SLC44A5: variants seen among roughly 807,000 people sequenced by gnomAD.
SLC44A5 encodes solute carrier family 44 member 5.
A neutral mutation model predicts 101.8 loss-of-function variants in SLC44A5; 57 were observed. That is an observed-to-expected ratio of 0.56 (90% CI 0.45 to 0.70). SLC44A5 has a LOEUF of 0.70. Among genes scored for constraint, SLC44A5 ranks in the 30% least tolerant of loss-of-function variants. The pLI is 0.00. For synonymous variants in SLC44A5, 281 were observed against 290.9 expected, an observed-to-expected ratio of 0.97 and a Z score of 0.35; for missense variants, 737 against 853.1, an observed-to-expected ratio of 0.86 and a Z score of 1.70.
intron 2 of SLC44A5, among the ~76,000 whole-genome samples, chr1:75,402,801 GT>G (rs1040388323): frequency 6.6e-6 from 1 of 152,066 alleles, no homozygotes; most frequent in Non-Finnish European, 1.5e-5. Flanking sequence ...AGCTGCAGGA[GT>G]TTTTTTCATA....
chr1:75,294,868 G>A (rs148433509), intron 5 of SLC44A5, among the ~76,000 whole-genome samples: 1,708 of 152,234 alleles, frequency 0.011, 16 homozygotes, highest in Non-Finnish European at 0.019. Flanking sequence ...TAGGTGCCAG[G>A]ATCTGGGGGT....
the SLC44A5 span, among the ~76,000 whole-genome samples, chr1:75,684,680 G>T: frequency 6.6e-6 from 1 of 152,166 alleles, no homozygotes; most frequent in African/African-American, 2.4e-5. Context: ...CATAAGAGGT[G>T]GGTTCCCATG....
Position 75,203,786 on chromosome 1 carries a change from C to T in SLC44A5, c.2095G>A (p.Val699Met). The T allele has an allele frequency of 6.5e-7, 1 of 1,550,232 alleles. No individual in the cohort carries two copies. Among genetic ancestry groups the T allele is most frequent in the African/African-American group, 1.4e-5 (1 of 73,080 alleles). Reference sequence around the variant, plus strand: ...AAAATCTTCAGCAAAGGTTGACTCACATAATAAGGTCTTGCAGTAGAACCA... The same window carrying T: ...AAAATCTTCAGCAAAGGTTGACTCATATAATAAGGTCTTGCAGTAGAACCA... ...NDGSTARPYY[V>M]SQPLLKIFQE... is the part of the protein sequence containing the mutation. Residue 699 changes from valine to methionine, a missense_variant, in exon 24 of 24, where the codon GTG (valine) becomes ATG (methionine). Val to Met is a conservative substitution (Grantham distance 21). This residue lies in a region of SLC44A5 where 61 missense variants were observed against 56.5 expected (regional missense o/e 1.08). Transcript: ENST00000370859.
intron 2 of SLC44A5, among the ~76,000 whole-genome samples, chr1:75,423,152 G>C (rs780101707): frequency 6.6e-6 from 1 of 152,138 alleles, no homozygotes; most frequent in Non-Finnish European, 1.5e-5. Context: ...AAAAAGAACA[G>C]AAAGCTATAG....
chr1:75,444,718 T>A (rs1221449920), intron 2 of SLC44A5, among the ~76,000 whole-genome samples: 1 of 150,700 alleles, frequency 6.6e-6, no homozygotes, highest in Non-Finnish European at 1.5e-5. Flanking sequence ...AAAGAGGAAA[T>A]CAGATCCCAT....
intron 3 of SLC44A5, among the ~76,000 whole-genome samples, chr1:75,368,795 T>C (rs1660034374): frequency 6.6e-6 from 1 of 152,190 alleles, no homozygotes; most frequent in Non-Finnish European, 1.5e-5. Flanking sequence ...TATGAGAATG[T>C]TCTGCATGTT....
intron 2 of SLC44A5, among the ~76,000 whole-genome samples, chr1:75,416,557 G>C (rs574020929): frequency 5.0e-4 from 76 of 152,242 alleles, no homozygotes; most frequent in Middle Eastern, 6.8e-3. Context: ...GTGAGAAGTG[G>C]GCCACCATCC....
intron 2 of SLC44A5, among the ~76,000 whole-genome samples, chr1:75,480,578 C>CA (rs773216852): frequency 9.2e-4 from 140 of 152,108 alleles, no homozygotes; most frequent in Admixed American, 3.7e-3. Flanking sequence ...AATCAATGTG[C>CA]AAAAATCACA....
chr1:75,605,654 T>C (rs1289034630), intron 1 of SLC44A5, among the ~76,000 whole-genome samples: 1 of 152,044 alleles, frequency 6.6e-6, no homozygotes, highest in Non-Finnish European at 1.5e-5. Flanking sequence ...TGGGCCCTAA[T>C]GGGAAACTAC....
At chr1:75,575,199 T>C (rs1673292686) in intron 1 of SLC44A5, among the ~76,000 whole-genome samples, 1 of 152,226 alleles carries the variant, frequency 6.6e-6, no homozygotes, top group South Asian at 2.1e-4. Context: ...TGCAGCCTAA[T>C]ATTAAATTCC....
At chr1:75,340,963 A>G (rs911176092) in intron 3 of SLC44A5, among the ~76,000 whole-genome samples, 5 of 152,228 alleles carry the variant, frequency 3.3e-5, no homozygotes, top group African/African-American at 1.2e-4. Context: ...GTTGAGTTTC[A>G]TGAGATACCT....
chr1:75,431,670 C>A (rs2101597334), intron 2 of SLC44A5, among the ~76,000 whole-genome samples: 1 of 152,126 alleles, frequency 6.6e-6, no homozygotes, highest in East Asian at 1.9e-4. Flanking sequence ...CTTTTTATCA[C>A]TTTAATAGTT....
intron 1 of SLC44A5, among the ~76,000 whole-genome samples, chr1:75,572,719 A>G (rs928265318): frequency 6.6e-6 from 1 of 152,214 alleles, no homozygotes; most frequent in Non-Finnish European, 1.5e-5. Context: ...ATATTTTTGA[A>G]GTACCAAAGT....
chr1:75,425,479 A>G (rs951063626), intron 2 of SLC44A5, among the ~76,000 whole-genome samples: 1 of 152,232 alleles, frequency 6.6e-6, no homozygotes, highest in Non-Finnish European at 1.5e-5. Flanking sequence ...TTAGAGGAAC[A>G]CTGTCAGCAA....
chr1:75,695,973 T>A, the SLC44A5 span, among the ~76,000 whole-genome samples: 1 of 151,860 alleles, frequency 6.6e-6, no homozygotes, highest in East Asian at 1.9e-4. Context: ...CTTTTTTTTT[T>A]AATGGCAGCA....
chr1:75,519,023 C>T lies in SLC44A5; in HGVS notation c.13+22412G>A, dbSNP rs1445704448. Among the ~76,000 whole-genome samples, 3 of 152,152 alleles carry T rather than the reference C, an allele frequency of 2.0e-5. No individual in the cohort carries two copies. In the South Asian group the frequency reaches 6.2e-4, roughly 32 times the overall value. On this transcript the variant is annotated intron_variant, in intron 2 of 23. Transcript: ENST00000370859. ...AATGTAAATTATATCTCAATAAAGC[C>T]GTTTAGAATACTTTAAAGTTATTAG...
intron 2 of SLC44A5, among the ~76,000 whole-genome samples, chr1:75,399,039 C>T (rs1162298981): frequency 1.3e-5 from 2 of 151,790 alleles, no homozygotes; most frequent in Non-Finnish European, 2.9e-5. Flanking sequence ...CACTTCATTC[C>T]CTTTTGTCTT....
At chr1:75,613,131 C>T (rs1675728584), upstream of SLC44A5, among the ~76,000 whole-genome samples, 1 of 152,200 alleles carries the variant, frequency 6.6e-6, no homozygotes, top group Non-Finnish European at 1.5e-5. Flanking sequence ...AGCAACTTGC[C>T]TGTCACAAGA....
intron 3 of SLC44A5, among the ~76,000 whole-genome samples, chr1:75,386,153 C>G (rs1454188412): frequency 1.3e-5 from 2 of 152,086 alleles, no homozygotes; most frequent in Non-Finnish European, 2.9e-5. Context: ...TGGCACAAGA[C>G]AGGGATGCCC....
Sources: allele counts gnomAD v4.1 joint callset (sites outside exome capture counted in the v4.1 genomes callset), GRCh38; gene constraint gnomAD v4.1.1; regional missense constraint gnomAD v4.1.1; transcripts MANE v1.5; gene names NCBI Gene and HGNC (gene_info 2026-07-23, HGNC 2026-07-21).